Variants in SRP72 observed in about 807,000 individuals in gnomAD.
SRP72 encodes the protein signal recognition particle subunit SRP72.
Under a neutral mutation model 96.3 loss-of-function variants are expected in SRP72, and 49 were observed. The ratio of observed to expected loss-of-function variants is 0.51; its 90% CI spans 0.40 to 0.65. SRP72 has a LOEUF of 0.65. Ranked by LOEUF, SRP72 falls within the 30% of genes least tolerant of loss-of-function variation. SRP72 has a pLI of 0.00. For synonymous variants in SRP72, 267 were observed against 275.2 expected, an observed-to-expected ratio of 0.97 and a Z score of 0.30; for missense variants, 736 against 793.3, an observed-to-expected ratio of 0.93 and a Z score of 0.87.
chr4:56,483,383 C>T (rs1319280504), intron 9 of SRP72, 113 bp downstream of exon 9: 7 of 1,072,838 alleles, frequency 6.5e-6, no homozygotes, highest in Non-Finnish European at 9.3e-6. Flanking sequence ...TTGTCTTCAA[C>T]TCATAAATAT....
At chr4:56,500,355 T>TA (rs370911707) in intron 17 of SRP72, 181 bp from the exon 18 acceptor site, 10 of 615,526 alleles carry the variant, frequency 1.6e-5, no homozygotes, top group African/African-American at 3.7e-5. Context: ...TCCCAGAACT[T>TA]AAAGTATAAT....
At chr4:56,476,800 T>A (rs113609843) in intron 6 of SRP72, 98 bp downstream of exon 6, 2 of 1,246,118 alleles carry the variant, frequency 1.6e-6, no homozygotes, top group Non-Finnish European at 2.3e-6. Context: ...TTTTAGAAGA[T>A]GGCAATTCAT....
intron 9 of SRP72, among the ~76,000 whole-genome samples, chr4:56,483,706 A>C (rs1720590556): frequency 6.6e-6 from 1 of 152,150 alleles, no homozygotes; most frequent in Non-Finnish European, 1.5e-5. Context: ...TATGTGTCAT[A>C]GATTTTATTT....
rs908216604 is a variant in SRP72 at position 56,484,954 on chromosome 4, A to T, written c.1086+90A>T. 7.6e-6 allele frequency: 11 copies of T among 1,441,432 alleles called. No homozygotes were observed. In the Middle Eastern group the frequency reaches 8.5e-4, roughly 111 times the overall value. 89.3% of individuals were successfully genotyped at this position (1,441,432 alleles called of 1,614,324 possible). A position where few individuals can be genotyped will look rare whatever the true frequency, so the allele number is the denominator to read the frequency against. On this transcript the variant is annotated intron_variant, in intron 10 of 18. Transcript: ENST00000642900. ...AATAACCTACTAGCATGTAAATTTA[A>T]TGGGAAAACTAATCAGAAATGTACC...
At chr4:56,481,097 C>T (rs546649336) in intron 8 of SRP72, among the ~76,000 whole-genome samples, 9 of 152,170 alleles carry the variant, frequency 5.9e-5, no homozygotes, top group South Asian at 2.1e-4. Flanking sequence ...ATTAAAATTG[C>T]GACATGAGAG....
intron 8 of SRP72, among the ~76,000 whole-genome samples, chr4:56,482,861 C>A (rs913043875): frequency 6.6e-6 from 1 of 152,106 alleles, no homozygotes; most frequent in African/African-American, 2.4e-5. Flanking sequence ...CCTTTTTATA[C>A]CTAGGAAGCC....
intron 11 of SRP72, 104 bp downstream of exon 11, chr4:56,486,501 A>C: frequency 2.3e-6 from 2 of 856,690 alleles, no homozygotes; most frequent in African/African-American, 1.7e-5. Context: ...TGTAATAGTA[A>C]AGCATAATAA....
chr4:56,467,831 A>G, intron 1 of SRP72, 87 bp downstream of exon 1: 1 of 1,247,734 alleles, frequency 8.0e-7, no homozygotes, highest in Non-Finnish European at 1.1e-6. Flanking sequence ...CTCGCGCGGG[A>G]GGCACGGGAA....
At chr4:56,483,056 C>T (rs1021312783) in intron 8 of SRP72, 83 bp from the exon 9 acceptor site, 22 of 1,301,524 alleles carry the variant, frequency 1.7e-5, no homozygotes, top group Non-Finnish European at 2.3e-5. Context: ...AGCTCTCCTG[C>T]TGTATCTATA....
At position 56,483,285 on chromosome 4, in the gene SRP72, T is replaced by C. The variant is rs990933405; in HGVS notation, c.957+15T>C. On this transcript the variant is annotated intron_variant, in intron 9 of 18. Transcript: ENST00000642900. ...ACACAAACCAGGTGGGTAATTACCTTTGGTGTCATGGCTAAACCTTTTGTA... is the reference window on the plus strand; with the variant it reads ...ACACAAACCAGGTGGGTAATTACCTCTGGTGTCATGGCTAAACCTTTTGTA... 6.2e-7 allele frequency: 1 copy of C among 1,610,872 alleles called. No homozygotes were observed. The highest frequency in any genetic ancestry group is 1.3e-5 in the African/African-American group (1 of 74,920).
Position 56,491,584 on chromosome 4 carries a change from G to T in SRP72, c.1640+16G>T. 6.2e-7 allele frequency: 1 copy of T among 1,609,740 alleles called. No individual in the cohort carries two copies. Among genetic ancestry groups the T allele is most frequent in the Non-Finnish European group, 8.5e-7 (1 of 1,177,218 alleles). ...AGGAACAAGGGTAATATTTTTCATTGTAACGTTCTCTAATGCTGATTTTAA... is the reference window on the plus strand; with the variant it reads ...AGGAACAAGGGTAATATTTTTCATTTTAACGTTCTCTAATGCTGATTTTAA... On this transcript the variant is annotated intron_variant, in intron 16 of 18. Transcript: ENST00000642900.
At chr4:56,473,967 C>G (rs1417220697) in intron 3 of SRP72, 87 bp from the exon 4 acceptor site, 1 of 1,338,930 alleles carries the variant, frequency 7.5e-7, no homozygotes, top group Non-Finnish European at 1.0e-6. Flanking sequence ...AGGATTCCTA[C>G]TTAGTGGTTC....
intron 16 of SRP72, among the ~76,000 whole-genome samples, chr4:56,492,399 C>T (rs986255862): frequency 1.3e-5 from 2 of 152,104 alleles, no homozygotes; most frequent in East Asian, 1.9e-4. Context: ...TTTCTTCCAT[C>T]GTCATCTTAA....
intron 2 of SRP72, among the ~76,000 whole-genome samples, chr4:56,471,035 C>G (rs967221145): frequency 6.6e-6 from 1 of 152,154 alleles, no homozygotes; most frequent in African/African-American, 2.4e-5. Context: ...CTCCTCACCT[C>G]AAGTGATCTG....
At chr4:56,472,995 G>A (rs1720039777) in intron 3 of SRP72, among the ~76,000 whole-genome samples, 1 of 152,068 alleles carries the variant, frequency 6.6e-6, no homozygotes, top group South Asian at 2.1e-4. Context: ...AAGATAAAAT[G>A]AAGATTATAG....
At chr4:56,491,211 A>G (rs1439350804) in intron 15 of SRP72, among the ~76,000 whole-genome samples, 1 of 152,200 alleles carries the variant, frequency 6.6e-6, no homozygotes, top group Non-Finnish European at 1.5e-5. Flanking sequence ...AGAGAATTAG[A>G]TTATGACTCC....
At chr4:56,484,272 G>C (rs1720621626) in intron 9 of SRP72, among the ~76,000 whole-genome samples, 1 of 151,832 alleles carries the variant, frequency 6.6e-6, no homozygotes, top group South Asian at 2.1e-4. Flanking sequence ...CTGACCTCGT[G>C]ATCTGCCCAC....
At chr4:56,468,771 G>C (rs562083228) in intron 1 of SRP72, among the ~76,000 whole-genome samples, 2 of 152,126 alleles carry the variant, frequency 1.3e-5, no homozygotes, top group Non-Finnish European at 2.9e-5. Flanking sequence ...AAATTTGTTT[G>C]AATTAACTCT....
chr4:56,476,827 T>A, intron 6 of SRP72, 125 bp downstream of exon 6: 1 of 913,302 alleles, frequency 1.1e-6, no homozygotes, highest in Non-Finnish European at 1.7e-6. Context: ...GGAATCACAC[T>A]AGAAACCACC....
Sources: allele counts gnomAD v4.1 joint callset (sites outside exome capture counted in the v4.1 genomes callset), GRCh38; gene constraint gnomAD v4.1.1; transcripts MANE v1.5; gene names NCBI Gene and HGNC (gene_info 2026-07-23, HGNC 2026-07-21).